Variants in FCGR2A observed in about 807,000 individuals in gnomAD.
The protein encoded by FCGR2A is low affinity immunoglobulin gamma Fc region receptor II-a.
Under a neutral mutation model 29.3 loss-of-function variants are expected in FCGR2A, and 18 were observed. The observed-to-expected ratio is 0.62, with a 90% CI of 0.43 to 0.91. FCGR2A has a LOEUF of 0.91. Among genes scored for constraint, FCGR2A ranks in the 40% least tolerant of loss-of-function variants. FCGR2A has a pLI of 0.00. For synonymous variants in FCGR2A, 126 were observed against 144.8 expected, an observed-to-expected ratio of 0.87 and a Z score of 0.93; for missense variants, 287 against 393.0, an observed-to-expected ratio of 0.73 and a Z score of 2.28.
Position 161,515,465 on chromosome 1 carries a change from G to A in FCGR2A, c.780+1533G>A, listed in dbSNP as rs472158. Among the ~76,000 whole-genome samples the A allele has an allele frequency of 1.9e-4, 29 of 152,074 alleles. No homozygotes were observed. In the South Asian group the frequency reaches 3.3e-3, roughly 17 times the overall value. ...ATAGGCCAGATAAACTAGGTGTCTC[G>A]TTAGTCACTCATTTAAAATTTAATC... On this transcript the variant is annotated intron_variant, in intron 6 of 6. Coordinates refer to ENST00000271450, the MANE Select transcript of FCGR2A (RefSeq NM_001136219.3).
At chr1:161,515,860 C>T (rs1557836485) in intron 6 of FCGR2A, among the ~76,000 whole-genome samples, 2 of 152,208 alleles carry the variant, frequency 1.3e-5, no homozygotes, top group African/African-American at 2.4e-5. Context: ...TATATCTACA[C>T]ATGTGTATGC....
At chr1:161,521,533 T>A (rs1676449738), downstream of FCGR2A, among the ~76,000 whole-genome samples, 1 of 151,918 alleles carries the variant, frequency 6.6e-6, no homozygotes, top group Non-Finnish European at 1.5e-5. Flanking sequence ...ATACTACAAA[T>A]TTTGTTCTAT....
intron 5 of FCGR2A, chr1:161,513,110 T>C (rs1214691312): frequency 1.3e-5 from 2 of 151,946 alleles, no homozygotes; most frequent in African/African-American, 4.9e-5. Context: ...GCTCTCTGTG[T>C]TCAGGGGGTG....
intron 3 of FCGR2A, among the ~76,000 whole-genome samples, chr1:161,507,425 G>T (rs1675487978): frequency 6.6e-6 from 1 of 152,126 alleles, no homozygotes; most frequent in Non-Finnish European, 1.5e-5. Flanking sequence ...GCCTGGCTTA[G>T]ATACTGTTTC....
intron 3 of FCGR2A, among the ~76,000 whole-genome samples, chr1:161,507,175 G>A (rs1181623333): frequency 6.6e-6 from 1 of 152,198 alleles, no homozygotes; most frequent in Non-Finnish European, 1.5e-5. Flanking sequence ...GTAAACATCT[G>A]ACAGTGTTCA....
chr1:161,506,042 G>A (rs1218485290), intron 2 of FCGR2A, 35 bp downstream of exon 2: 1 of 1,602,386 alleles, frequency 6.2e-7, no homozygotes, highest in East Asian at 2.2e-5. Flanking sequence ...TATTGACAGT[G>A]TTGTATCCTC....
At position 161,506,082 on chromosome 1, in the gene FCGR2A, C is replaced by CG. The variant is rs546268519; in HGVS notation, c.106+82dup. 1.8e-4 allele frequency: 269 copies of CG among 1,478,384 alleles called. 2 individuals carry two copies. In the East Asian group the frequency reaches 2.7e-3, roughly 15 times the overall value. The allele number at this position is 1,478,384 out of a possible 1,614,324, so 91.6% of individuals were successfully genotyped here. On this transcript the variant is annotated intron_variant, in intron 2 of 6. Coordinates refer to ENST00000271450, the MANE Select transcript of FCGR2A (RefSeq NM_001136219.3). The stretch of plus-strand genomic sequence containing the variant: ...TATGATGCTGTGTTTGCTGGGGCGG[C>CG]GGGGGGGTATGTCTATTCCACTGAA...
intron 5 of FCGR2A, 71 bp downstream of exon 5, chr1:161,511,027 C>T (rs1675744685): frequency 3.1e-6 from 5 of 1,608,516 alleles, no homozygotes; most frequent in Non-Finnish European, 4.3e-6. Context: ...CAGACATTGC[C>T]AGAATCCCGC....
In FCGR2A at chr1:161,519,300, A is replaced by T. The variant is rs1257527199; in HGVS notation, c.*1152A>T. 1 of 152,716 alleles carries T rather than the reference A, an allele frequency of 6.5e-6. No homozygotes were observed. Among genetic ancestry groups the T allele is most frequent in the African/African-American group, 2.4e-5 (1 of 41,452 alleles). The allele number at this position is 152,716 out of a possible 1,614,324, so 9.5% of individuals were successfully genotyped here. On this transcript the variant is annotated 3_prime_UTR_variant, in exon 7 of 7. Coordinates refer to ENST00000271450, the MANE Select transcript of FCGR2A (RefSeq NM_001136219.3). ...CTTCTGTGCCTCAGCCGTTCTTGAC[A>T]TCAAGAATCTTCTGTTCCACATCCA...
intron 5 of FCGR2A, among the ~76,000 whole-genome samples, chr1:161,512,629 C>A: frequency 6.6e-6 from 1 of 150,486 alleles, no homozygotes; most frequent in Non-Finnish European, 1.5e-5. Flanking sequence ...AAAGTCAGAG[C>A]ATAAAGGAAA....
chr1:161,514,068 G>A (rs546312484), intron 6 of FCGR2A, 136 bp downstream of exon 6: 619 of 1,239,238 alleles, frequency 5.0e-4, no homozygotes, highest in Non-Finnish European at 6.6e-4. Flanking sequence ...AGCCACCCAG[G>A]CCTTAGAAAT....
intron 6 of FCGR2A, among the ~76,000 whole-genome samples, chr1:161,515,858 C>T (rs1676114574): frequency 1.3e-5 from 2 of 152,202 alleles, no homozygotes; most frequent in African/African-American, 4.8e-5. Context: ...CATATATCTA[C>T]ACATGTGTAT....
intron 4 of FCGR2A, 75 bp from the exon 5 acceptor site, chr1:161,510,759 G>C: frequency 6.4e-7 from 1 of 1,572,840 alleles, no homozygotes. Flanking sequence ...GAGGTGGGAG[G>C]TGGGACAGGG....
At chr1:161,512,748 T>G (rs1675886889) in intron 5 of FCGR2A, among the ~76,000 whole-genome samples, 1 of 152,120 alleles carries the variant, frequency 6.6e-6, no homozygotes, top group African/African-American at 2.4e-5. Context: ...AGCCAACAGA[T>G]TTAAGAGCTT....
At chr1:161,505,909 C>G (rs1571955950) in intron 1 of FCGR2A, 78 bp from the exon 2 acceptor site, 1 of 1,435,034 alleles carries the variant, frequency 7.0e-7, no homozygotes, top group Non-Finnish European at 9.8e-7. Context: ...GCTCACCTCC[C>G]CAGCATTTCA....
At chr1:161,509,270 C>T (rs1480867757) in intron 3 of FCGR2A, among the ~76,000 whole-genome samples, 1 of 152,102 alleles carries the variant, frequency 6.6e-6, no homozygotes, top group Non-Finnish European at 1.5e-5. Context: ...ATAAACCACC[C>T]AGTTTATAGC....
chr1:161,507,562 A>C (rs552067848), intron 3 of FCGR2A, among the ~76,000 whole-genome samples: 1 of 152,202 alleles, frequency 6.6e-6, no homozygotes, highest in East Asian at 1.9e-4. Context: ...CTCCTGTTCA[A>C]CACTGAAAGG....
In FCGR2A at chr1:161,505,533, G is replaced by A. The variant is rs1170898379; in HGVS notation, c.66G>A (p.Leu22=). ...GAAACCTGTGGCTGCTTCAACCATTGACAGTTTTGCTGCTGCTGGGTGAGT... is the reference window on the plus strand; with the variant it reads ...GAAACCTGTGGCTGCTTCAACCATTAACAGTTTTGCTGCTGCTGGGTGAGT... ...CPRNLWLLQP[L]TVLLLLASAD... The change falls in exon 1 of 7, where the codon TTG becomes TTA. Residue 22 remains leucine, a synonymous_variant. Coordinates refer to ENST00000271450, the MANE Select transcript of FCGR2A (RefSeq NM_001136219.3). The A allele has an allele frequency of 1.9e-6, 3 of 1,614,150 alleles. No homozygotes were observed. Among genetic ancestry groups the A allele is most frequent in the Non-Finnish European group, 2.5e-6 (3 of 1,179,976 alleles).
chr1:161,512,352 G>C (rs1190797409), intron 5 of FCGR2A, among the ~76,000 whole-genome samples: 1 of 147,416 alleles, frequency 6.8e-6, no homozygotes. Context: ...ATTCTGGGGG[G>C]CTAGGGGCAC....
Sources: gnomAD v4.1 joint callset for allele counts (sites outside exome capture counted in the v4.1 genomes callset) on GRCh38, gnomAD v4.1.1 for gene constraint, MANE v1.5 for transcripts, NCBI Gene and HGNC (gene_info 2026-07-23, HGNC 2026-07-21) for gene names.